The following WDR59 variants were observed in gnomAD, a reference collection of about 807,000 sequenced individuals.
The protein encoded by WDR59 is GATOR2 complex protein WDR59.
WDR59 carries 100 observed loss-of-function variants against 131.2 expected under a neutral mutation model. The ratio of observed to expected loss-of-function variants is 0.76; its 90% CI spans 0.65 to 0.90. WDR59 has a LOEUF of 0.90. WDR59 is among the 40% of genes least tolerant of loss of function. WDR59 has a pLI of 0.00. For synonymous variants in WDR59, 601 were observed against 466.2 expected, an observed-to-expected ratio of 1.29 and a Z score of -3.72; for missense variants, 1,203 against 1,262.2, an observed-to-expected ratio of 0.95 and a Z score of 0.71.
intron 21 of WDR59, among the ~76,000 whole-genome samples, 168 bp from the exon 22 acceptor site, chr16:74,888,487 C>T (rs1321690183): frequency 6.6e-6 from 1 of 152,202 alleles, no homozygotes; most frequent in Non-Finnish European, 1.5e-5. Flanking sequence ...GCAGTTTGAC[C>T]TACTTTGAGT....
At chr16:74,895,516 G>A (rs1328509418) in intron 18 of WDR59, among the ~76,000 whole-genome samples, 1 of 152,124 alleles carries the variant, frequency 6.6e-6, no homozygotes, top group African/African-American at 2.4e-5. Context: ...ACCCACCTTG[G>A]CCTCCCAAAA....
chr16:74,933,922 T>G (rs2031597976), intron 8 of WDR59, among the ~76,000 whole-genome samples: 1 of 152,210 alleles, frequency 6.6e-6, no homozygotes, highest in Admixed American at 6.6e-5. Flanking sequence ...AACTCTTTTT[T>G]GCCAAATTCA....
At chr16:74,904,210 GA>G in intron 17 of WDR59, 110 bp from the exon 18 acceptor site, 1 of 1,328,226 alleles carries the variant, frequency 7.5e-7, no homozygotes, top group South Asian at 1.3e-5. Context: ...TGAGAAGATG[GA>G]AACTCCAGAA....
intron 1 of WDR59, among the ~76,000 whole-genome samples, chr16:74,981,645 TATATATA>T (rs2034423691): frequency 1.2e-3 from 16 of 13,232 alleles, no homozygotes; most frequent in African/African-American, 3.1e-3. Context: ...TATATATATA[TATATATA>T]TATATATATT....
chr16:74,972,873 A>T (rs553088738), intron 1 of WDR59, among the ~76,000 whole-genome samples: 1 of 151,418 alleles, frequency 6.6e-6, no homozygotes, highest in South Asian at 2.1e-4. Flanking sequence ...CTAAAGCCAC[A>T]AACTGAAAAC....
intron 1 of WDR59, among the ~76,000 whole-genome samples, chr16:74,977,883 A>G (rs2034250213): frequency 6.6e-6 from 1 of 152,152 alleles, no homozygotes; most frequent in Non-Finnish European, 1.5e-5. Flanking sequence ...TAGGCTCAAC[A>G]ACAAGAATGA....
intron 6 of WDR59, among the ~76,000 whole-genome samples, chr16:74,945,838 G>C (rs1222459652): frequency 1.5e-5 from 2 of 135,230 alleles, no homozygotes; most frequent in East Asian, 2.2e-4. Context: ...TTTTTTTTGA[G>C]ACAGAGTTTT....
At chr16:74,937,561 GATCA>G (rs2031901841) in intron 8 of WDR59, among the ~76,000 whole-genome samples, 1 of 152,100 alleles carries the variant, frequency 6.6e-6, no homozygotes, top group Non-Finnish European at 1.5e-5. Context: ...GAGTGCAGTG[GATCA>G]ATCTCAGCTC....
At chr16:74,981,639 TATATATATATATATATA>T (rs1296423117) in intron 1 of WDR59, among the ~76,000 whole-genome samples, 10,709 of 40,832 alleles carry the variant, frequency 0.26, 1,931 homozygotes, top group East Asian at 0.53. Context: ...TATATATATA[TATATATATATATATATA>T]TATATTTTTT....
chr16:74,912,071 A>T, intron 14 of WDR59, 127 bp downstream of exon 14: 1 of 1,274,262 alleles, frequency 7.8e-7, no homozygotes, highest in Non-Finnish European at 1.1e-6. Context: ...TTACGTTGCT[A>T]ATACTAGTGT....
At chr16:74,949,422 AAAGGAGGGAGGGAGGGAAAG>A (rs1450580442) in intron 5 of WDR59, among the ~76,000 whole-genome samples, 1 of 137,300 alleles carries the variant, frequency 7.3e-6, no homozygotes, top group African/African-American at 2.9e-5. Context: ...ATGAGGGAGG[AAAGGAGGGAGGGAGGGAAAG>A]AAGGAGGGAG....
At chr16:74,889,635 A>T in intron 21 of WDR59, 68 bp downstream of exon 21, 1 of 1,272,860 alleles carries the variant, frequency 7.9e-7, no homozygotes, top group Admixed American at 1.9e-5. Flanking sequence ...AGGTGGTGAC[A>T]TTTCAAGTGT....
chr16:74,925,627 G>C (rs2030712594), intron 8 of WDR59, among the ~76,000 whole-genome samples: 1 of 151,818 alleles, frequency 6.6e-6, no homozygotes, highest in Non-Finnish European at 1.5e-5. Flanking sequence ...GTTAGGGGTA[G>C]GAAAGGGTAT....
At chr16:74,961,805 T>G (rs972112284) in intron 2 of WDR59, among the ~76,000 whole-genome samples, 1 of 152,202 alleles carries the variant, frequency 6.6e-6, no homozygotes, top group African/African-American at 2.4e-5. Context: ...CAGATCCCAT[T>G]TGTCAATTTT....
intron 14 of WDR59, among the ~76,000 whole-genome samples, chr16:74,911,483 G>A (rs979855713): frequency 6.6e-6 from 1 of 152,180 alleles, no homozygotes; most frequent in African/African-American, 2.4e-5. Context: ...TTGTGACACT[G>A]CTCAGACTGA....
chr16:74,974,174 CA>C (rs374940029), intron 1 of WDR59, among the ~76,000 whole-genome samples: 4 of 151,810 alleles, frequency 2.6e-5, no homozygotes, highest in African/African-American at 7.3e-5. Context: ...ATCTCAAAAA[CA>C]AAGAAAAAAA....
chr16:74,894,449 G>A (rs568191169), intron 18 of WDR59, among the ~76,000 whole-genome samples: 1 of 152,280 alleles, frequency 6.6e-6, no homozygotes, highest in Admixed American at 6.5e-5. Flanking sequence ...GATTTCCCCA[G>A]GCTTACCTAT....
At chr16:74,874,994 C>T (rs1363847221) in intron 25 of WDR59, among the ~76,000 whole-genome samples, 2 of 152,216 alleles carry the variant, frequency 1.3e-5, no homozygotes, top group African/African-American at 4.8e-5. Flanking sequence ...AAACCCAGTG[C>T]CCTACAGCAG....
chr16:74,915,751 C>A (rs1966337371), intron 13 of WDR59, 119 bp downstream of exon 13: 4 of 1,463,806 alleles, frequency 2.7e-6, no homozygotes, highest in Non-Finnish European at 3.7e-6. Context: ...AAAAAGCAAG[C>A]AGAGAGAGTT....
Sources: gnomAD v4.1 joint callset for allele counts (sites outside exome capture counted in the v4.1 genomes callset) on GRCh38, gnomAD v4.1.1 for gene constraint, MANE v1.5 for transcripts, NCBI Gene and HGNC (gene_info 2026-07-23, HGNC 2026-07-21) for gene names.